Variants in PARD3B observed in about 807,000 individuals in gnomAD.
PARD3B encodes par-3 family cell polarity regulator beta.
In PARD3B, 103 loss-of-function variants were observed where a neutral mutation model predicts 130.2. That is an observed-to-expected ratio of 0.79 (90% CI 0.67 to 0.93). The LOEUF is 0.93. PARD3B is among the 40% of genes least tolerant of loss of function. The pLI, the probability that PARD3B is intolerant of heterozygous loss-of-function variation, is 0.00. For synonymous variants in PARD3B, 583 were observed against 553.2 expected, an observed-to-expected ratio of 1.05 and a Z score of -0.76; for missense variants, 1,609 against 1,499.2, an observed-to-expected ratio of 1.07 and a Z score of -1.21.
chr2:204,554,651 C>T (rs551025096), intron 1 of PARD3B, among the ~76,000 whole-genome samples: 3 of 151,686 alleles, frequency 2.0e-5, no homozygotes, highest in Admixed American at 2.0e-4. Context: ...ATTTCTGCCC[C>T]CGAGACTCCC....
chr2:204,955,000 C>G (rs951040150), intron 2 of PARD3B, among the ~76,000 whole-genome samples: 1 of 152,098 alleles, frequency 6.6e-6, no homozygotes, highest in South Asian at 2.1e-4. Context: ...ATAGGCTGCT[C>G]TATTTGTAGC....
chr2:205,047,063 A>C (rs971633260), intron 3 of PARD3B, among the ~76,000 whole-genome samples: 2 of 152,200 alleles, frequency 1.3e-5, no homozygotes, highest in African/African-American at 2.4e-5. Context: ...AAGAGAATGG[A>C]AGCAATCTCT....
chr2:204,591,985 G>A (rs2033090776), intron 1 of PARD3B, among the ~76,000 whole-genome samples: 1 of 152,184 alleles, frequency 6.6e-6, no homozygotes, highest in Non-Finnish European at 1.5e-5. Context: ...TAGAATAATG[G>A]ATAATTTGAA....
chr2:205,380,496 A>ATATATATTATATAAAG, intron 18 of PARD3B, among the ~76,000 whole-genome samples: 1 of 2,648 alleles, frequency 3.8e-4, no homozygotes, highest in African/African-American at 1.0e-3. Context: ...TATATAAAGA[A>ATATATATTATATAAAG]TATATATTAT....
chr2:205,057,537 A>G (rs1402604525), intron 4 of PARD3B, among the ~76,000 whole-genome samples: 1 of 146,296 alleles, frequency 6.8e-6, no homozygotes, highest in Non-Finnish European at 1.5e-5. Flanking sequence ...ATATACATAT[A>G]TGTATATGTG....
At chr2:204,595,187 T>A (rs2033232975) in intron 1 of PARD3B, among the ~76,000 whole-genome samples, 1 of 152,178 alleles carries the variant, frequency 6.6e-6, no homozygotes, top group Admixed American at 6.5e-5. Context: ...GCTTAAGAAG[T>A]CATCACCTTC....
intron 2 of PARD3B, among the ~76,000 whole-genome samples, chr2:204,863,181 G>C (rs1168946977): frequency 2.0e-5 from 3 of 152,200 alleles, no homozygotes. Flanking sequence ...CTCCCACTGT[G>C]ATAAAGTCTT....
Position 204,899,372 on chromosome 2 carries a change from C to A in PARD3B, c.223-65780C>A, listed in dbSNP as rs372319983. ...TTTTAATTTCTTGCTTTATATTGTT[C>A]GTGAGTCTGTTGTATGTTTTCTGAT... On this transcript the variant is annotated intron_variant, in intron 2 of 22. Transcript: ENST00000406610. Among the ~76,000 whole-genome samples, 120 of 151,302 alleles carry A rather than the reference C, an allele frequency of 7.9e-4. 2 individuals carry two copies. In the South Asian group the frequency reaches 0.025, roughly 31 times the overall value.
chr2:205,144,109 G>A (rs966787564), intron 10 of PARD3B, among the ~76,000 whole-genome samples: 10 of 152,182 alleles, frequency 6.6e-5, no homozygotes, highest in South Asian at 2.1e-4. Context: ...TTGGCCATGC[G>A]AATTCATTTG....
chr2:205,580,408 C>T (rs1559237166), intron 22 of PARD3B, among the ~76,000 whole-genome samples: 1 of 152,062 alleles, frequency 6.6e-6, no homozygotes, highest in East Asian at 1.9e-4. Context: ...TCCTTGACAT[C>T]GGTAATAATG....
intron 4 of PARD3B, among the ~76,000 whole-genome samples, chr2:205,085,667 T>C (rs538511387): frequency 3.3e-5 from 5 of 152,092 alleles, no homozygotes; most frequent in Non-Finnish European, 5.9e-5. Flanking sequence ...TCACCTTCTT[T>C]GTACTTTTTA....
At chr2:204,637,794 G>A (rs11903500) in intron 1 of PARD3B, among the ~76,000 whole-genome samples, 39,231 of 150,422 alleles carry the variant, frequency 0.26, 5,442 homozygotes, top group African/African-American at 0.37. Context: ...GGGTTTTAGC[G>A]TGTCCTTTTA....
chr2:205,594,606 A>C (rs1221325073), intron 22 of PARD3B, among the ~76,000 whole-genome samples: 1 of 152,198 alleles, frequency 6.6e-6, no homozygotes, highest in Non-Finnish European at 1.5e-5. Context: ...GCATAGCTTC[A>C]CTTGACCATG....
intron 3 of PARD3B, among the ~76,000 whole-genome samples, chr2:204,985,749 G>T (rs1693079635): frequency 6.6e-6 from 1 of 152,094 alleles, no homozygotes; most frequent in Admixed American, 6.5e-5. Flanking sequence ...TCTGGTGAGG[G>T]TTGGGGTGAT....
intron 1 of PARD3B, among the ~76,000 whole-genome samples, chr2:204,575,242 C>T (rs1049151781): frequency 6.6e-6 from 1 of 152,142 alleles, no homozygotes; most frequent in Non-Finnish European, 1.5e-5. Flanking sequence ...TGTGTGTCTC[C>T]TAATGCTGTA....
At chr2:204,806,993 A>G (rs969037605) in intron 2 of PARD3B, among the ~76,000 whole-genome samples, 10 of 152,266 alleles carry the variant, frequency 6.6e-5, no homozygotes, top group Non-Finnish European at 8.8e-5. Flanking sequence ...ACAGTTCTAT[A>G]TGTCTGGGGA....
rs760756141 is a variant in PARD3B, at chr2:205,499,965, G to A, written c.3114G>A (p.Arg1038=). ...GGAAAGAGTATTATCAGGCTCGGAG[G>A]GAAGGTTTCCCTTTATATGAAGACG... ...KLRKEYYQAR[R]EGFPLYEDDE... Residue 1038 remains arginine (R), a synonymous_variant, in exon 21 of 23, where the codon AGG becomes AGA. Transcript: ENST00000406610. The A allele has an allele frequency of 3.1e-6, 5 of 1,613,718 alleles. No homozygotes were observed. The highest frequency in any genetic ancestry group is 2.2e-5 in the South Asian group (2 of 91,070).
At chr2:205,531,275 G>A (rs1484119357) in intron 21 of PARD3B, among the ~76,000 whole-genome samples, 1 of 152,014 alleles carries the variant, frequency 6.6e-6, no homozygotes, top group African/African-American at 2.4e-5. Context: ...CACATCATAG[G>A]ATTAATGATG....
chr2:205,615,505 C>T lies in PARD3B; in HGVS notation c.3310C>T (p.Leu1104Phe), dbSNP rs1454255077. ...VDYLPAAPRG[L>F]YKERELPYYP... ...CTATCTGCCAGCAGCACCTCGGGGG[C>T]TCTACAAGGAAAGGGAGCTTCCCTA... Residue 1104 changes from leucine (L) to phenylalanine (F), a missense_variant, in exon 23 of 23, where the codon CTC (leucine) becomes TTC (phenylalanine). Physicochemically the swap from Leu to Phe is conservative, Grantham distance 22. Coordinates refer to ENST00000406610, the MANE Select transcript of PARD3B (RefSeq NM_001302769.2). 1.2e-6 allele frequency: 2 copies of T among 1,613,476 alleles called. No homozygotes were observed. Among genetic ancestry groups the T allele is most frequent in the African/African-American group, 2.7e-5 (2 of 75,048 alleles).
Sources: allele counts gnomAD v4.1 joint callset (sites outside exome capture counted in the v4.1 genomes callset), GRCh38; gene constraint gnomAD v4.1.1; transcripts MANE v1.5; gene names NCBI Gene and HGNC (gene_info 2026-07-23, HGNC 2026-07-21).